Variants in ADAM29 observed in about 807,000 individuals in gnomAD.
ADAM29 encodes ADAM metallopeptidase domain 29, also known as disintegrin and metalloproteinase domain-containing protein 29.
For synonymous variants in ADAM29, 367 were observed against 342.3 expected, an observed-to-expected ratio of 1.07 and a Z score of -0.80; for missense variants, 969 against 1,001.8, an observed-to-expected ratio of 0.97 and a Z score of 0.44.
chr4:174,929,647 GT>G (rs35551343), intron 2 of ADAM29, among the ~76,000 whole-genome samples: 29,229 of 151,914 alleles, frequency 0.19, 3,167 homozygotes, highest in Middle Eastern at 0.31. Context: ...GCCAGCTGGA[GT>G]TTTTATGGGG....
At chr4:174,919,701 G>A (rs901681140) in intron 1 of ADAM29, among the ~76,000 whole-genome samples, 8 of 152,080 alleles carry the variant, frequency 5.3e-5, no homozygotes, top group African/African-American at 1.9e-4. Context: ...TTGCTTTTAT[G>A]GCTTTCACCT....
chr4:174,927,611 A>G (rs1332944201), intron 2 of ADAM29, among the ~76,000 whole-genome samples: 1 of 152,222 alleles, frequency 6.6e-6, no homozygotes, highest in Non-Finnish European at 1.5e-5. Context: ...CCTTGTTTGC[A>G]TACAAATTGT....
At position 174,918,434 on chromosome 4, in the gene ADAM29, C is replaced by T. The variant is rs1742985349; in HGVS notation, c.-594C>T. The T allele has an allele frequency of 6.6e-6, 1 of 152,110 alleles. No homozygotes were observed. Among genetic ancestry groups the T allele is most frequent in the Admixed American group, 6.6e-5 (1 of 15,256 alleles). The allele number at this position is 152,110 out of a possible 1,614,324, so 9.4% of individuals were successfully genotyped here. On this transcript the variant is annotated 5_prime_UTR_variant, in exon 1 of 5. Transcript: ENST00000359240. ...ATAAAAGCTCTCCTGATGGCCTGTT[C>T]CTGCACATTTCCTGAGGACGCCCTC...
At chr4:174,927,886 C>G (rs931756422) in intron 2 of ADAM29, among the ~76,000 whole-genome samples, 2 of 152,024 alleles carry the variant, frequency 1.3e-5, no homozygotes, top group African/African-American at 4.8e-5. Flanking sequence ...TGGAATCTTG[C>G]TTGGTATTAT....
Position 174,923,541 on chromosome 4 carries a change from A to ATG in ADAM29, c.-451+2750_-451+2751insGT, listed in dbSNP as rs1560857148. On this transcript the variant is annotated intron_variant, in intron 2 of 4. Transcript: ENST00000359240. ...GCATTATATGTATATATATATATAT[A>ATG]TATATATATATATATATATACACAC... Among the ~76,000 whole-genome samples the ATG allele has an allele frequency of 2.9e-5, 4 of 140,060 alleles. No homozygotes were observed. In the East Asian group the frequency reaches 8.2e-4, roughly 29 times the overall value. The allele number at this position is 140,060 out of a possible 152,430, so 91.9% of individuals were successfully genotyped here.
chr4:174,919,762 CTAAT>C (rs1221796337), intron 1 of ADAM29, among the ~76,000 whole-genome samples: 2 of 152,190 alleles, frequency 1.3e-5, no homozygotes, highest in Non-Finnish European at 2.9e-5. Context: ...TCAAAGTCAA[CTAAT>C]TAGAGATCTC....
At chr4:174,945,781 T>C (rs138151517) in intron 4 of ADAM29, among the ~76,000 whole-genome samples, 1 of 152,302 alleles carries the variant, frequency 6.6e-6, no homozygotes, top group East Asian at 1.9e-4. Flanking sequence ...TTGCCAGCTT[T>C]GTTGAAGATC....
chr4:174,955,883 T>A (rs1316849260), intron 4 of ADAM29, among the ~76,000 whole-genome samples: 1 of 152,052 alleles, frequency 6.6e-6, no homozygotes, highest in African/African-American at 2.4e-5. Context: ...TCTTTATTGG[T>A]TTCCTTGCTT....
intron 4 of ADAM29, among the ~76,000 whole-genome samples, chr4:174,938,832 T>C (rs1744349616): frequency 6.6e-6 from 1 of 152,148 alleles, no homozygotes; most frequent in African/African-American, 2.4e-5. Flanking sequence ...AAAATCCAGG[T>C]GTCGGCAGGG....
chr4:174,976,662 A>G lies in ADAM29; in HGVS notation c.1137A>G (p.Val379=). 2 of 1,613,968 alleles carry G rather than the reference A, an allele frequency of 1.2e-6. No individual in the cohort carries two copies. Among genetic ancestry groups the G allele is most frequent in the Non-Finnish European group, 1.7e-6 (2 of 1,179,922 alleles). ...CSYGDFWEYT[V]ERTKCLLETV... is the part of the protein sequence containing the mutation. ...ATGGTGATTTTTGGGAATATACTGT[A>G]GAGAGGACAAAGTGTTTGCTTGAAA... The change falls in exon 5 of 5, where the codon GTA becomes GTG. Residue 379 remains valine (V), a synonymous_variant. Transcript: ENST00000359240.
At chr4:174,958,835 A>G (rs1416239500) in intron 4 of ADAM29, among the ~76,000 whole-genome samples, 1 of 151,834 alleles carries the variant, frequency 6.6e-6, no homozygotes, top group Non-Finnish European at 1.5e-5. Context: ...GCATTGTTAA[A>G]TAAAGTTAGT....
At chr4:174,952,555 A>G (rs1745243479) in intron 4 of ADAM29, among the ~76,000 whole-genome samples, 1 of 152,240 alleles carries the variant, frequency 6.6e-6, no homozygotes. Flanking sequence ...TTATATTACA[A>G]CCAGATCTTC....
At position 174,976,372 on chromosome 4, in the gene ADAM29, C is replaced by T. The variant is rs1317795551; in HGVS notation, c.847C>T (p.His283Tyr). ...GGAGAACATTACGCCCCGGATGCAA[C>T]ATGACACCTCACATCTTTTCACAAC... ...KSENITPRMQ[H>Y]DTSHLFTTLG... Residue 283 changes from histidine (H) to tyrosine (Y), a missense_variant, in exon 5 of 5, where the codon CAT (histidine) becomes TAT (tyrosine). His to Tyr is a moderately conservative substitution (Grantham distance 83, BLOSUM62 2). Transcript: ENST00000359240. 1 of 1,600,948 alleles carries T rather than the reference C, an allele frequency of 6.2e-7. No individual in the cohort carries two copies.
chr4:174,939,566 G>A (rs1283843514), intron 4 of ADAM29, among the ~76,000 whole-genome samples: 1 of 152,088 alleles, frequency 6.6e-6, no homozygotes, highest in East Asian at 1.9e-4. Context: ...ACCTTTGAGT[G>A]TAAATAATAA....
chr4:174,920,477 T>G (rs1743104381), intron 1 of ADAM29, among the ~76,000 whole-genome samples: 1 of 152,120 alleles, frequency 6.6e-6, no homozygotes, highest in Non-Finnish European at 1.5e-5. Flanking sequence ...TTCCTGAATA[T>G]CTAGTAAATT....
At chr4:174,935,127 A>G (rs887533257) in intron 3 of ADAM29, among the ~76,000 whole-genome samples, 5 of 152,120 alleles carry the variant, frequency 3.3e-5, no homozygotes, top group African/African-American at 1.2e-4. Flanking sequence ...GAAATACCCT[A>G]GTTTTACAAT....
At chr4:174,943,129 C>A (rs527481968) in intron 4 of ADAM29, among the ~76,000 whole-genome samples, 1 of 152,216 alleles carries the variant, frequency 6.6e-6, no homozygotes, top group Non-Finnish European at 1.5e-5. Flanking sequence ...CCACCTGAAA[C>A]CACCTCAGCT....
intron 4 of ADAM29, among the ~76,000 whole-genome samples, chr4:174,939,496 A>G (rs1744404658): frequency 1.3e-5 from 2 of 152,232 alleles, no homozygotes; most frequent in African/African-American, 4.8e-5. Flanking sequence ...ACTCCAAGCC[A>G]GCATTTGCAA....
chr4:174,925,615 G>A (rs1743471630), intron 2 of ADAM29, among the ~76,000 whole-genome samples: 1 of 152,156 alleles, frequency 6.6e-6, no homozygotes, highest in South Asian at 2.1e-4. Context: ...TTCTCTGACA[G>A]AATTTGTTTA....
Sources: gnomAD v4.1 joint callset for allele counts (sites outside exome capture counted in the v4.1 genomes callset) on GRCh38, gnomAD v4.1.1 for gene constraint, MANE v1.5 for transcripts, NCBI Gene and HGNC (gene_info 2026-07-23, HGNC 2026-07-21) for gene names.